The following CDH1 variants were observed in gnomAD, a reference collection of about 807,000 sequenced individuals.
The protein encoded by CDH1 is cadherin-1.
A neutral mutation model predicts 84.5 loss-of-function variants in CDH1; 35 were observed. The observed-to-expected ratio is 0.41, with a 90% CI of 0.32 to 0.55. The LOEUF is 0.55. Ranked by LOEUF, CDH1 falls within the 20% of genes least tolerant of loss-of-function variation. The pLI is 0.19. For synonymous variants in CDH1, 417 were observed against 439.0 expected (o/e 0.95, Z 0.63); for missense variants, 994 against 1,126.6 (o/e 0.88, Z 1.68).
At chr16:68,738,225 C>A in intron 1 of CDH1, 72 bp from the exon 2 acceptor site, 4 of 1,000,550 alleles carry the variant, frequency 4.0e-6, no homozygotes, top group Non-Finnish European at 4.6e-6. Flanking sequence ...GGAGGGGCGG[C>A]GCTGTTGGTT....
chr16:68,742,998 C>T (rs1420703932), intron 2 of CDH1, among the ~76,000 whole-genome samples: 1 of 152,196 alleles, frequency 6.6e-6, no homozygotes, highest in Non-Finnish European at 1.5e-5. Context: ...GGTGGAAAGT[C>T]TTGGGCCCGG....
rs1218640746 is a variant in CDH1 at position 68,835,319 on chromosome 16, C to T, written c.*1820C>T. 4.5e-6 allele frequency: 1 copy of T among 224,314 alleles called. No homozygotes were observed. The highest frequency in any genetic ancestry group is 5.7e-5 in the Admixed American group (1 of 17,472). 13.9% of individuals were successfully genotyped at this position (224,314 alleles called of 1,614,324 possible). A position where few individuals can be genotyped will look rare whatever the true frequency, so the allele number is the denominator to read the frequency against. On this transcript the variant is annotated 3_prime_UTR_variant, in exon 16 of 16. Coordinates refer to ENST00000261769, the MANE Select transcript of CDH1 (RefSeq NM_004360.5). ...AAGTGTTTTGGAGAAAAAAATCAAC[C>T]CTGCAATCACTTTTTGGAATTGTCT...
chr16:68,830,282 G>GA (rs1961452643), intron 15 of CDH1, among the ~76,000 whole-genome samples: 1 of 152,046 alleles, frequency 6.6e-6, no homozygotes, highest in African/African-American at 2.4e-5. Flanking sequence ...TGTCTCATCT[G>GA]AATTTTGGAT....
In CDH1 at chr16:68,823,523, CTG is replaced by C. The variant is rs587781276; in HGVS notation, c.2064_2065del (p.Cys688Ter). 1 of 1,614,034 alleles carries C rather than the reference CTG, an allele frequency of 6.2e-7. No individual in the cohort carries two copies. The highest frequency in any genetic ancestry group is 8.5e-7 in the Non-Finnish European group (1 of 1,179,976). ...VTTLEVSVCD[C>X]EGAAGVCRKA... ...CCACCTTAGAGGTCAGCGTGTGTGACTGTGAAGGGGCCGCTGGCGTCTGTAGG... is the reference window on the plus strand; with the variant it reads ...CCACCTTAGAGGTCAGCGTGTGTGACTGAAGGGGCCGCTGGCGTCTGTAGG... On this transcript the variant is annotated frameshift_variant, in exon 13 of 16. Coordinates refer to ENST00000261769, the MANE Select transcript of CDH1 (RefSeq NM_004360.5). LOFTEE classifies it high-confidence loss of function.
intron 2 of CDH1, among the ~76,000 whole-genome samples, chr16:68,772,940 A>C (rs575996808): frequency 2.6e-5 from 4 of 152,206 alleles, no homozygotes; most frequent in Non-Finnish European, 5.9e-5. Flanking sequence ...AAACAAAAAC[A>C]AAAACCAAAA....
Position 68,834,084 on chromosome 16 carries a change from GT to G in CDH1, c.*586del, listed in dbSNP as rs1199127050. 1 of 377,904 alleles carries G rather than the reference GT, an allele frequency of 2.6e-6. No individual in the cohort carries two copies. The highest frequency in any genetic ancestry group is 5.2e-6 in the Non-Finnish European group (1 of 193,566). 23.4% of individuals were successfully genotyped at this position (377,904 alleles called of 1,614,324 possible). ...CTATCCTTGCACCTCAGCCTCCCAA[GT>G]AGCTGGGACCACAGGCATGCACCAC... is the stretch of plus-strand genomic sequence containing the variant. On this transcript the variant is annotated 3_prime_UTR_variant, in exon 16 of 16. Transcript: ENST00000261769.
intron 2 of CDH1, among the ~76,000 whole-genome samples, chr16:68,741,378 C>G (rs571206368): frequency 2.0e-5 from 3 of 152,284 alleles, no homozygotes; most frequent in African/African-American, 7.2e-5. Flanking sequence ...TGTGGCCTGA[C>G]TCTCTTTGGA....
chr16:68,806,718 G>C (rs1960671862), intron 3 of CDH1, among the ~76,000 whole-genome samples: 1 of 152,192 alleles, frequency 6.6e-6, no homozygotes, highest in Admixed American at 6.5e-5. Context: ...GAGAAATTAA[G>C]TAATATCTGC....
At chr16:68,822,609 A>G in intron 12 of CDH1, 1 of 455,810 alleles carries the variant, frequency 2.2e-6, no homozygotes, top group South Asian at 1.8e-5. Context: ...CATCAGAACT[A>G]TTCTACCGAG....
intron 2 of CDH1, among the ~76,000 whole-genome samples, chr16:68,787,825 A>ATTTTTTTTTTTTTTT (rs58676133): frequency 2.0e-5 from 2 of 102,354 alleles, no homozygotes; most frequent in Non-Finnish European, 3.9e-5. Flanking sequence ...CGCCCGGCTA[A>ATTTTTTTTTTTTTTT]TTTTTTTTTT....
chr16:68,746,738 A>G (rs1567475982), intron 2 of CDH1, among the ~76,000 whole-genome samples: 1 of 152,078 alleles, frequency 6.6e-6, no homozygotes, highest in Non-Finnish European at 1.5e-5. Flanking sequence ...ACTTGAGGTC[A>G]GGAGTTTAAA....
chr16:68,738,936 C>CTTTTT lies in CDH1; in HGVS notation c.163+549_163+553dup, dbSNP rs1555509828. Among the ~76,000 whole-genome samples the CTTTTT allele has an allele frequency of 5.2e-4, 6 of 11,440 alleles. 1 individual carries two copies. Among genetic ancestry groups the CTTTTT allele is most frequent in the African/African-American group, 1.4e-3 (6 of 4,306 alleles). The allele number at this position is 11,440 out of a possible 152,430, so 7.5% of individuals were successfully genotyped here. ...TGGCTTTTGTTTACAGATATAAAAG[C>CTTTTT]TTTTTTTTTTTTTTTTTTTTTTTTT... On this transcript the variant is annotated intron_variant, in intron 2 of 15. Coordinates refer to ENST00000261769, the MANE Select transcript of CDH1 (RefSeq NM_004360.5).
chr16:68,767,306 C>T (rs749910251), intron 2 of CDH1, among the ~76,000 whole-genome samples: 8 of 151,568 alleles, frequency 5.3e-5, no homozygotes, highest in South Asian at 4.2e-4. Context: ...GCACTTCTCC[C>T]GCCTCAGCCT....
At chr16:68,811,250 A>G (rs1960815650) in intron 6 of CDH1, among the ~76,000 whole-genome samples, 1 of 151,974 alleles carries the variant, frequency 6.6e-6, no homozygotes, top group Non-Finnish European at 1.5e-5. Flanking sequence ...ATAGAAAATT[A>G]GCTGGGCGTG....
Position 68,828,063 on chromosome 16 carries a change from G to C in CDH1, c.2165-111G>C. ...TCAAGTGTATTGAAGGCAGCTAGTG[G>C]CTGTCTAACTGCCCCCTGTCTGGTA... On this transcript the variant is annotated intron_variant, in intron 13 of 15. Coordinates refer to ENST00000261769, the MANE Select transcript of CDH1 (RefSeq NM_004360.5). 1 of 1,165,688 alleles carries C rather than the reference G, an allele frequency of 8.6e-7. No individual in the cohort carries two copies. The highest frequency in any genetic ancestry group is 1.3e-6 in the Non-Finnish European group (1 of 777,034). 72.2% of individuals were successfully genotyped at this position (1,165,688 alleles called of 1,614,324 possible).
chr16:68,786,267 G>A (rs1036770124), intron 2 of CDH1, among the ~76,000 whole-genome samples: 1 of 152,092 alleles, frequency 6.6e-6, no homozygotes, highest in African/African-American at 2.4e-5. Flanking sequence ...TTCATCCTGG[G>A]TTCAAGCGAT....
At chr16:68,829,541 A>G in intron 14 of CDH1, 113 bp from the exon 15 acceptor site, 1 of 1,034,574 alleles carries the variant, frequency 9.7e-7, no homozygotes, top group Non-Finnish European at 1.5e-6. Flanking sequence ...TAAAGATCAT[A>G]CAGTTGGCAG....
At chr16:68,750,204 A>G (rs933365844) in intron 2 of CDH1, among the ~76,000 whole-genome samples, 1 of 111,508 alleles carries the variant, frequency 9.0e-6, no homozygotes, top group Admixed American at 1.1e-4. Flanking sequence ...GGGCAGTTTC[A>G]GCCGGTTTCC....
At chr16:68,815,990 G>A (rs1416410430) in intron 10 of CDH1, among the ~76,000 whole-genome samples, 1 of 152,064 alleles carries the variant, frequency 6.6e-6, no homozygotes, top group Non-Finnish European at 1.5e-5. Flanking sequence ...TTGTAGTATG[G>A]TAGAAATGCA....
Sources: gnomAD v4.1 joint callset for allele counts (sites outside exome capture counted in the v4.1 genomes callset) on GRCh38, gnomAD v4.1.1 for gene constraint, MANE v1.5 for transcripts, NCBI Gene and HGNC (gene_info 2026-07-23, HGNC 2026-07-21) for gene names.